The following ARHGAP35 variants were observed in gnomAD, a reference collection of about 807,000 sequenced individuals.
ARHGAP35 encodes the protein Rho GTPase activating protein 35.
Under a neutral mutation model 111.1 loss-of-function variants are expected in ARHGAP35, and 15 were observed. That is an observed-to-expected ratio of 0.13 (90% CI 0.09 to 0.21). The LOEUF is 0.21. Ranked by LOEUF, ARHGAP35 falls within the 10% of genes least tolerant of loss-of-function variation. The pLI, the probability that ARHGAP35 is intolerant of heterozygous loss-of-function variation, is 1.00. For synonymous variants in ARHGAP35, 643 were observed against 710.3 expected, an observed-to-expected ratio of 0.91 and a Z score of 1.51; for missense variants, 1,262 against 1,873.0, an observed-to-expected ratio of 0.67 and a Z score of 6.02.
At chr19:46,902,367 C>T (rs1378994924) in intron 1 of ARHGAP35, among the ~76,000 whole-genome samples, 1 of 152,046 alleles carries the variant, frequency 6.6e-6, no homozygotes, top group Non-Finnish European at 1.5e-5. Context: ...TAATTAGAAG[C>T]AATCATATAT....
intron 3 of ARHGAP35, among the ~76,000 whole-genome samples, chr19:46,971,250 A>T (rs1490950993): frequency 6.6e-6 from 1 of 152,024 alleles, no homozygotes; most frequent in Non-Finnish European, 1.5e-5. Context: ...TACTAAAAAT[A>T]CAAAAATTAG....
At chr19:46,870,307 G>A (rs991467108) in intron 1 of ARHGAP35, among the ~76,000 whole-genome samples, 1 of 151,498 alleles carries the variant, frequency 6.6e-6, no homozygotes. Flanking sequence ...GGCTGGGCAC[G>A]GTGGCTCATG....
In ARHGAP35 at chr19:46,988,555, G is replaced by T. The variant is rs1002047337; in HGVS notation, c.3904+489G>T. On this transcript the variant is annotated intron_variant, in intron 4 of 6. Coordinates refer to ENST00000672722, the MANE Select transcript of ARHGAP35 (RefSeq NM_004491.5). This position sits in a 1 kb window ranked among gnomAD's most constrained non-coding sequence, Gnocchi z 5.4. ...AGAGACCCAAGTTACATAGCTCTTG[G>T]CAGGGACTCCCTTCTCCTAAGCTGA... 1 of 158,522 alleles carries T rather than the reference G, an allele frequency of 6.3e-6. No individual in the cohort carries two copies. The highest frequency in any genetic ancestry group is 1.4e-5 in the Non-Finnish European group (1 of 71,826). The allele number at this position is 158,522 out of a possible 1,614,324, so 9.8% of individuals were successfully genotyped here. A position where few individuals can be genotyped will look rare whatever the true frequency, so the allele number is the denominator to read the frequency against.
At chr19:46,998,233 A>G (rs1306960793) in intron 5 of ARHGAP35, among the ~76,000 whole-genome samples, 2 of 152,054 alleles carry the variant, frequency 1.3e-5, no homozygotes, top group Admixed American at 1.3e-4. Context: ...ATCCCAAAGG[A>G]GCCCGAGCCC....
intron 3 of ARHGAP35, among the ~76,000 whole-genome samples, chr19:46,960,769 G>A (rs2056476471): frequency 6.6e-6 from 1 of 152,056 alleles, no homozygotes; most frequent in South Asian, 2.1e-4. Context: ...TACAGATGGA[G>A]CCATGCTGAA....
At chr19:46,892,178 G>T (rs951202612) in intron 1 of ARHGAP35, among the ~76,000 whole-genome samples, 1 of 148,688 alleles carries the variant, frequency 6.7e-6, no homozygotes, top group Non-Finnish European at 1.5e-5. Context: ...TGGCATGCCT[G>T]TTGTAATCCA....
At chr19:46,968,280 G>T (rs538396898) in intron 3 of ARHGAP35, among the ~76,000 whole-genome samples, 2 of 152,208 alleles carry the variant, frequency 1.3e-5, no homozygotes, top group African/African-American at 2.4e-5. Context: ...TAGTGTAGGG[G>T]CACAGCATGT....
At chr19:46,996,033 G>A (rs944163653) in intron 5 of ARHGAP35, among the ~76,000 whole-genome samples, 2 of 152,228 alleles carry the variant, frequency 1.3e-5, no homozygotes, top group Non-Finnish European at 1.5e-5. Flanking sequence ...CTGGCCACCC[G>A]CTCCTCACTA....
rs1211230164 is a variant in ARHGAP35, at chr19:46,992,159, C to G, written c.4036+2484C>G. ...GTGTGCCTGCCTAGGCTGGGCCCGGCTCTCCACGAGGCACTTGATTCCCAC... is the reference window on the plus strand; with the variant it reads ...GTGTGCCTGCCTAGGCTGGGCCCGGGTCTCCACGAGGCACTTGATTCCCAC... On this transcript the variant is annotated intron_variant, in intron 5 of 6. Transcript: ENST00000672722. The surrounding 1 kb of genome is among the most constrained non-coding windows in gnomAD (Gnocchi z 4.4). Among the ~76,000 whole-genome samples the G allele has an allele frequency of 6.6e-6, 1 of 152,216 alleles. No individual in the cohort carries two copies. Among genetic ancestry groups the G allele is most frequent in the Non-Finnish European group, 1.5e-5 (1 of 68,050 alleles).
intron 1 of ARHGAP35, among the ~76,000 whole-genome samples, chr19:46,876,683 T>C (rs571519653): frequency 9.9e-5 from 15 of 151,846 alleles, no homozygotes; most frequent in Admixed American, 7.2e-4. Context: ...AATGTTTTTA[T>C]TTTTCATAGA....
At chr19:46,934,912 A>G (rs192598434) in intron 2 of ARHGAP35, among the ~76,000 whole-genome samples, 120 of 152,180 alleles carry the variant, frequency 7.9e-4, no homozygotes, top group Admixed American at 3.3e-3. Flanking sequence ...AGCTCAAGCA[A>G]TTTGCCCACC....
Position 46,918,099 on chromosome 19 carries a change from G to A in ARHGAP35, c.-188-389G>A, listed in dbSNP as rs1232024693. On this transcript the variant is annotated intron_variant, in intron 1 of 6. Transcript: ENST00000672722. This position sits in a 1 kb window ranked among gnomAD's most constrained non-coding sequence, Gnocchi z 5.4. ...CAAATTGTCCCAGAGTTGGCCAGTG[G>A]GAGCCCCTTCAGGCTGGCTTCTGTG... 2.0e-5 allele frequency among the ~76,000 whole-genome samples: 3 copies of A among 152,148 alleles called. No individual in the cohort carries two copies. The highest frequency in any genetic ancestry group is 4.4e-5 in the Non-Finnish European group (3 of 68,024).
At chr19:46,962,037 G>T (rs1229736140) in intron 3 of ARHGAP35, among the ~76,000 whole-genome samples, 2 of 152,154 alleles carry the variant, frequency 1.3e-5, no homozygotes. Context: ...CTTGGGGAGG[G>T]AGTAGAGGCT....
chr19:46,968,038 G>GGACC (rs1416031431), intron 3 of ARHGAP35, among the ~76,000 whole-genome samples: 1 of 152,182 alleles, frequency 6.6e-6, no homozygotes, highest in African/African-American at 2.4e-5. Flanking sequence ...TTGAGGGAAG[G>GGACC]GACCGGGTCA....
In ARHGAP35 at chr19:46,945,929, C is replaced by T. The variant is rs1297298515; in HGVS notation, c.3826+8521C>T. Among the ~76,000 whole-genome samples the T allele has an allele frequency of 6.6e-6, 1 of 152,176 alleles. No homozygotes were observed. The highest frequency in any genetic ancestry group is 6.5e-5 in the Admixed American group (1 of 15,274). ...GGTTTGCTTACTGAGATGACCAACC[C>T]TCCACATCTCTAGCCAGTGCTGTAG... On this transcript the variant is annotated intron_variant, in intron 3 of 6. Coordinates refer to ENST00000672722, the MANE Select transcript of ARHGAP35 (RefSeq NM_004491.5). This position sits in a 1 kb window ranked among gnomAD's most constrained non-coding sequence, Gnocchi z 4.1.
At chr19:46,969,535 C>G (rs898456528) in intron 3 of ARHGAP35, among the ~76,000 whole-genome samples, 3 of 152,146 alleles carry the variant, frequency 2.0e-5, no homozygotes, top group African/African-American at 7.2e-5. Context: ...CAGGAGCAAC[C>G]AGGGATGGGA....
chr19:46,883,960 C>T lies in ARHGAP35; in HGVS notation c.-189+22751C>T, dbSNP rs572070030. On this transcript the variant is annotated intron_variant, in intron 1 of 6. Transcript: ENST00000672722. ...ATCCTACCTACTCGGGAGGCTGAGG[C>T]GGGAGAATCTCTTGAATCTGGGAGG... is the stretch of plus-strand genomic sequence containing the variant. 1.1e-4 allele frequency among the ~76,000 whole-genome samples: 16 copies of T among 152,148 alleles called. No homozygotes were observed. The East Asian group carries it at 1.2e-3, about 11-fold the overall frequency.
intron 3 of ARHGAP35, among the ~76,000 whole-genome samples, chr19:46,982,484 A>G (rs993720729): frequency 1.3e-5 from 2 of 152,148 alleles, no homozygotes; most frequent in Admixed American, 6.5e-5. Context: ...CTCAAAAAAA[A>G]AAAAAAAGAT....
intron 3 of ARHGAP35, chr19:46,946,524 AT>A (rs1227179699): frequency 6.6e-6 from 1 of 151,928 alleles, no homozygotes; most frequent in East Asian, 1.9e-4. Flanking sequence ...GTTCACATTT[AT>A]TTTCTTTTTC....
Sources: gnomAD v4.1 joint callset for allele counts (sites outside exome capture counted in the v4.1 genomes callset) on GRCh38, gnomAD v4.1.1 for gene constraint, Gnocchi (gnomAD v3.1) non-coding constraint, MANE v1.5 for transcripts, NCBI Gene and HGNC (gene_info 2026-07-23, HGNC 2026-07-21) for gene names.